Variants in TBP observed in about 807,000 individuals in gnomAD.
The protein encoded by TBP is TATA-box binding protein, also known as TATA-box-binding protein.
Under a neutral mutation model 46.2 loss-of-function variants are expected in TBP, and 12 were observed. That is an observed-to-expected ratio of 0.26 (90% CI 0.17 to 0.42). TBP has a LOEUF of 0.42. TBP is among the 10% of genes least tolerant of loss of function. TBP has a pLI of 1.00. For missense variants in TBP, 229 were observed against 403.1 expected (o/e 0.57, Z 3.70); for synonymous variants, 157 against 148.3 (o/e 1.06, Z -0.42).
rs186508667 is a variant in TBP at position 170,557,161 on chromosome 6, C to T, written c.54+78C>T. 268 of 1,326,084 alleles carry T rather than the reference C, an allele frequency of 2.0e-4. 1 individual carries two copies. In the Admixed American group the frequency reaches 2.1e-3, roughly 10 times the overall value. The allele number at this position is 1,326,084 out of a possible 1,614,324, so 82.1% of individuals were successfully genotyped here. On this transcript the variant is annotated intron_variant, in intron 2 of 7. Transcript: ENST00000392092. ...GATGGTATCAAAAGGCAAGGAAGGGCATTTAATGATCTGTTTTTGAAAATG... is the reference window on the plus strand; with the variant it reads ...GATGGTATCAAAAGGCAAGGAAGGGTATTTAATGATCTGTTTTTGAAAATG...
chr6:170,556,120 C>G (rs1309366177), intron 1 of TBP, among the ~76,000 whole-genome samples: 1 of 152,216 alleles, frequency 6.6e-6, no homozygotes, highest in Non-Finnish European at 1.5e-5. Context: ...ATCTGAGTGT[C>G]TGTTCTGTAC....
intron 6 of TBP, 29 bp from the exon 7 acceptor site, chr6:170,571,381 T>G: frequency 6.5e-7 from 1 of 1,535,012 alleles, no homozygotes; most frequent in Non-Finnish European, 9.0e-7. Context: ...AGCTCTTGAT[T>G]TCTAAACTTT....
chr6:170,567,108 T>C, intron 5 of TBP, 99 bp downstream of exon 5: 1 of 698,946 alleles, frequency 1.4e-6, no homozygotes, highest in East Asian at 3.6e-5. Flanking sequence ...TAACATGTTA[T>C]TATTGCTTTC....
chr6:170,564,656 CT>C (rs768940841), intron 4 of TBP, 24 bp downstream of exon 4: 2,084 of 1,417,164 alleles, frequency 1.5e-3, no homozygotes, highest in East Asian at 2.0e-3. Context: ...TAATGTATTT[CT>C]TTTTTTTTTC....
chr6:170,561,269 G>A (rs1455497723), intron 2 of TBP, among the ~76,000 whole-genome samples: 1 of 152,134 alleles, frequency 6.6e-6, no homozygotes. Flanking sequence ...AACTTTTGTA[G>A]GCACTGGGAA....
chr6:170,571,557 G>A (rs1779366670), intron 7 of TBP, 53 bp downstream of exon 7: 2 of 1,393,640 alleles, frequency 1.4e-6, no homozygotes, highest in African/African-American at 1.4e-5. Context: ...TTTGAGTATG[G>A]CATTTTCTCA....
chr6:170,560,476 AG>A (rs1483751803), intron 2 of TBP, among the ~76,000 whole-genome samples: 1 of 152,254 alleles, frequency 6.6e-6, no homozygotes. Context: ...GAAAGGAAGC[AG>A]GGAGGGACAT....
intron 1 of TBP, among the ~76,000 whole-genome samples, chr6:170,555,066 C>T (rs1220377856): frequency 6.6e-6 from 1 of 152,118 alleles, no homozygotes; most frequent in Non-Finnish European, 1.5e-5. Flanking sequence ...AATTTGATTG[C>T]CTCCAAAAAA....
chr6:170,554,441 T>C lies in TBP; in HGVS notation c.-171T>C, dbSNP rs58758881. The C allele has an allele frequency of 8.4e-3, 1,279 of 152,692 alleles. 16 individuals carry two copies. Among genetic ancestry groups the C allele is most frequent in the African/African-American group, 0.03 (1,235 of 41,588 alleles). The allele number at this position is 152,692 out of a possible 1,614,324, so 9.5% of individuals were successfully genotyped here. A position where few individuals can be genotyped will look rare whatever the true frequency, so the allele number is the denominator to read the frequency against. On this transcript the variant is annotated 5_prime_UTR_variant, in exon 1 of 8. Transcript: ENST00000392092. ...GTTTAACTTCGCTTCCGCTGGCCCA[T>C]AGTGATCTTTGCAGTGACCCAGGTA... is the stretch of plus-strand genomic sequence containing the variant.
intron 1 of TBP, among the ~76,000 whole-genome samples, chr6:170,555,502 T>G (rs7760641): frequency 6.6e-6 from 1 of 152,014 alleles, no homozygotes; most frequent in African/African-American, 2.4e-5. Flanking sequence ...CTAAGCTTGT[T>G]GCCTGCATAC....
chr6:170,569,581 T>C, intron 5 of TBP, 31 bp from the exon 6 acceptor site: 1 of 1,599,986 alleles, frequency 6.3e-7, no homozygotes, highest in Non-Finnish European at 8.5e-7. Flanking sequence ...TGGCTCTGAG[T>C]ATGAATAACT....
intron 2 of TBP, among the ~76,000 whole-genome samples, chr6:170,558,783 T>A (rs1429972551): frequency 6.6e-6 from 1 of 151,780 alleles, no homozygotes; most frequent in East Asian, 1.9e-4. Flanking sequence ...AAACTCCATC[T>A]CCCGTGTTCA....
chr6:170,569,028 G>A (rs1250053364), intron 5 of TBP, among the ~76,000 whole-genome samples: 1 of 151,462 alleles, frequency 6.6e-6, no homozygotes, highest in Admixed American at 6.6e-5. Context: ...GACCAAGCTG[G>A]TCTCGAACTC....
chr6:170,571,555 T>G, intron 7 of TBP, 51 bp downstream of exon 7: 1 of 1,404,768 alleles, frequency 7.1e-7, no homozygotes. Flanking sequence ...GTTTTGAGTA[T>G]GGCATTTTCT....
chr6:170,562,002 A>AGCG lies in TBP; in HGVS notation c.268_269insGGC (p.Gln89_Gln90insArg). ...CAGCAGCAGCAGCAGCAGCAGCAGC[A>AGCG]GCAGCAGCAGCAGCAACAGGCAGTG... On this transcript the variant is annotated inframe_insertion, in exon 3 of 8. Coordinates refer to ENST00000392092, the MANE Select transcript of TBP (RefSeq NM_003194.5). The AGCG allele has an allele frequency of 1.2e-6, 2 of 1,607,322 alleles. No homozygotes were observed. The highest frequency in any genetic ancestry group is 1.7e-6 in the Non-Finnish European group (2 of 1,176,212).
chr6:170,556,545 T>A (rs1017828342), intron 1 of TBP, among the ~76,000 whole-genome samples: 1 of 152,238 alleles, frequency 6.6e-6, no homozygotes, highest in Non-Finnish European at 1.5e-5. Flanking sequence ...GCTTAGTGAA[T>A]ATTCTGCTCT....
At chr6:170,567,095 C>CCTG in intron 5 of TBP, 86 bp downstream of exon 5, 1 of 913,754 alleles carries the variant, frequency 1.1e-6, no homozygotes, top group Non-Finnish European at 1.6e-6. Flanking sequence ...TAGGTTAGCA[C>CCTG]TTTAACATGT....
At chr6:170,569,361 C>T (rs948292145) in intron 5 of TBP, among the ~76,000 whole-genome samples, 15 of 152,158 alleles carry the variant, frequency 9.9e-5, no homozygotes, top group Non-Finnish European at 2.2e-4. Flanking sequence ...AATTCACATC[C>T]ATAAAATCTA....
Position 170,572,319 on chromosome 6 carries a change from A to G in TBP, c.*54A>G. The stretch of plus-strand genomic sequence containing the variant: ...CCCCCTTCTTTTTTTTTTTTTAAAC[A>G]AATCAGTTTGTTTTGGTACCTTTAA... On this transcript the variant is annotated 3_prime_UTR_variant, in exon 8 of 8. Transcript: ENST00000392092. 1 of 1,396,614 alleles carries G rather than the reference A, an allele frequency of 7.2e-7. No homozygotes were observed. Among genetic ancestry groups the G allele is most frequent in the Non-Finnish European group, 1.0e-6 (1 of 999,440 alleles). The allele number at this position is 1,396,614 out of a possible 1,614,324, so 86.5% of individuals were successfully genotyped here.
Sources: gnomAD v4.1 joint callset for allele counts (sites outside exome capture counted in the v4.1 genomes callset) on GRCh38, gnomAD v4.1.1 for gene constraint, MANE v1.5 for transcripts, NCBI Gene and HGNC (gene_info 2026-07-23, HGNC 2026-07-21) for gene names.